Variants in MCC observed in about 807,000 individuals in gnomAD.
MCC encodes the protein colorectal mutant cancer protein.
In MCC, 90 loss-of-function variants were observed where a neutral mutation model predicts 116.2. The observed-to-expected ratio is 0.77, with a 90% CI of 0.65 to 0.92. The LOEUF is 0.92. Ranked by LOEUF, MCC falls within the 40% of genes least tolerant of loss-of-function variation. The probability of loss-of-function intolerance (pLI) is 0.00; values close to 1 mark genes in which losing one functional copy is unlikely to be tolerated. For missense variants in MCC, 1,516 were observed against 1,312.2 expected, an observed-to-expected ratio of 1.16 and a Z score of -2.40; for synonymous variants, 578 against 510.5, an observed-to-expected ratio of 1.13 and a Z score of -1.78.
At chr5:113,206,469 C>T (rs1762914006) in intron 3 of MCC, among the ~76,000 whole-genome samples, 1 of 152,212 alleles carries the variant, frequency 6.6e-6, no homozygotes, top group Non-Finnish European at 1.5e-5. Context: ...AATCCCAGCA[C>T]TTTGGGAGGC....
At chr5:113,139,353 G>C (rs976352990) in intron 5 of MCC, among the ~76,000 whole-genome samples, 4 of 152,256 alleles carry the variant, frequency 2.6e-5, no homozygotes, top group African/African-American at 9.6e-5. Flanking sequence ...AGTTTGATTA[G>C]TATAACATAG....
intron 1 of MCC, among the ~76,000 whole-genome samples, chr5:113,468,816 C>CT (rs1174930547): frequency 6.6e-6 from 1 of 152,092 alleles, no homozygotes; most frequent in African/African-American, 2.4e-5. Flanking sequence ...TGGTCCTGGA[C>CT]TTTTTTTGGT....
chr5:113,213,250 G>A (rs1763195441), intron 3 of MCC, among the ~76,000 whole-genome samples: 1 of 152,184 alleles, frequency 6.6e-6, no homozygotes, highest in Non-Finnish European at 1.5e-5. Context: ...AAACATTAAA[G>A]CAATCAGAGG....
At chr5:113,183,933 T>C (rs565467456) in intron 3 of MCC, among the ~76,000 whole-genome samples, 2 of 141,420 alleles carry the variant, frequency 1.4e-5, no homozygotes, top group East Asian at 2.4e-4. Context: ...CAATTCCCCA[T>C]GCAATTTTTC....
intron 3 of MCC, among the ~76,000 whole-genome samples, chr5:113,177,413 G>A (rs1761393916): frequency 6.6e-6 from 1 of 152,192 alleles, no homozygotes; most frequent in Non-Finnish European, 1.5e-5. Context: ...TGTGTGCCTT[G>A]TGCAATGACA....
At chr5:113,165,103 A>T (rs188545037) in intron 3 of MCC, among the ~76,000 whole-genome samples, 26 of 152,362 alleles carry the variant, frequency 1.7e-4, no homozygotes, top group African/African-American at 6.3e-4. Flanking sequence ...AGTGTTTTGC[A>T]ATCCCTTTGC....
chr5:113,368,708 C>G (rs114639126), intron 2 of MCC, among the ~76,000 whole-genome samples: 4,601 of 151,984 alleles, frequency 0.03, 177 homozygotes, highest in African/African-American at 0.088. Flanking sequence ...TCCCCACCAA[C>G]AAGCAAGGAA....
At position 113,229,041 on chromosome 5, in the gene MCC, T is replaced by C. The variant is rs75624514; in HGVS notation, c.628-77619A>G. On this transcript the variant is annotated intron_variant, in intron 3 of 18. Transcript: ENST00000408903. Reference sequence around the variant, plus strand: ...GAAAAGATGAAGAGGCAGCTGAATATGAGTCTGGAATTATGGCCTGGGCTG... The same window carrying C: ...GAAAAGATGAAGAGGCAGCTGAATACGAGTCTGGAATTATGGCCTGGGCTG... Among the ~76,000 whole-genome samples the C allele has an allele frequency of 3.7e-4, 57 of 152,298 alleles. 1 individual carries two copies. The East Asian group carries it at 0.01, about 28-fold the overall frequency.
rs575240468 is a variant in MCC at position 113,310,905 on chromosome 5, A to C, written c.627+29614T>G. On this transcript the variant is annotated intron_variant, in intron 3 of 18. Coordinates refer to ENST00000408903, the MANE Select transcript of MCC (RefSeq NM_001085377.2). ...ATATTCCATCCTTCCTTCATTAAAA[A>C]AATATTTATCACCCACTATGTGCCA... is the stretch of plus-strand genomic sequence containing the variant. Among the ~76,000 whole-genome samples, 7 of 152,352 alleles carry C rather than the reference A, an allele frequency of 4.6e-5. No individual in the cohort carries two copies. In the South Asian group the frequency reaches 1.2e-3, roughly 27 times the overall value.
In MCC at chr5:113,333,867, A is replaced by ATGTACATATATGTATATG. The variant is rs1561527959; in HGVS notation, c.627+6651_627+6652insCATATACATATATGTACA. Among the ~76,000 whole-genome samples the ATGTACATATATGTATATG allele has an allele frequency of 8.7e-4, 113 of 129,630 alleles. 9 individuals carry two copies. Among genetic ancestry groups the ATGTACATATATGTATATG allele is most frequent in the East Asian group, 1.3e-3 (6 of 4,502 alleles). The allele number at this position is 129,630 out of a possible 152,430, so 85.0% of individuals were successfully genotyped here. On this transcript the variant is annotated intron_variant, in intron 3 of 18. Coordinates refer to ENST00000408903, the MANE Select transcript of MCC (RefSeq NM_001085377.2). The stretch of plus-strand genomic sequence containing the variant: ...TGTATATATGTACATATATGTATAT[A>ATGTACATATATGTATATG]TGTATTCACATATACATGTATTTAT...
Position 113,085,273 on chromosome 5 carries a change from G to T in MCC, c.1436C>A (p.Ala479Asp). The T allele has an allele frequency of 6.2e-7, 1 of 1,614,094 alleles. No homozygotes were observed. The highest frequency in any genetic ancestry group is 2.2e-5 in the East Asian group (1 of 44,864). Residue 479 changes from alanine to aspartate, a missense_variant, in exon 9 of 19, where the codon GCC becomes GAC. Ala to Asp is a moderately radical substitution (Grantham distance 126). Transcript: ENST00000408903. ...GCGGCCAGGGCTGGAGGGACCTGTGGCCTGCACGCTCTGTAGTCGAGTTTG... is the reference window on the plus strand; with the variant it reads ...GCGGCCAGGGCTGGAGGGACCTGTGTCCTGCACGCTCTGTAGTCGAGTTTG... ...ELQTRLQSVQ[A>D]TGPSSPGRLT...
chr5:113,252,011 C>A (rs967714269), intron 3 of MCC, among the ~76,000 whole-genome samples: 5 of 152,130 alleles, frequency 3.3e-5, no homozygotes, highest in Non-Finnish European at 7.4e-5. Flanking sequence ...CAGATTAAAT[C>A]AAATAAAACC....
intron 8 of MCC, among the ~76,000 whole-genome samples, chr5:113,092,924 G>T (rs1253556097): frequency 1.3e-5 from 2 of 152,156 alleles, no homozygotes; most frequent in Non-Finnish European, 2.9e-5. Context: ...AGCATTGTTT[G>T]TGGTCATGGG....
intron 3 of MCC, among the ~76,000 whole-genome samples, chr5:113,261,021 G>A (rs1040925841): frequency 1.7e-4 from 26 of 152,080 alleles, no homozygotes; most frequent in Non-Finnish European, 2.9e-5. Flanking sequence ...GAATTATGTG[G>A]CCAATATACC....
At chr5:113,317,543 G>C (rs1381484660) in intron 3 of MCC, among the ~76,000 whole-genome samples, 1 of 152,194 alleles carries the variant, frequency 6.6e-6, no homozygotes. Flanking sequence ...GGATGTTTAT[G>C]GCCAGGTGCT....
chr5:113,306,646 A>T (rs1223196799), intron 3 of MCC, among the ~76,000 whole-genome samples: 1 of 152,016 alleles, frequency 6.6e-6, no homozygotes, highest in Non-Finnish European at 1.5e-5. Context: ...AAATTTGCAA[A>T]TATTCTCTCC....
chr5:113,266,797 AAAAAC>A (rs914516903), intron 3 of MCC, among the ~76,000 whole-genome samples: 6 of 149,790 alleles, frequency 4.0e-5, no homozygotes, highest in African/African-American at 7.3e-5. Context: ...ATATGGACAA[AAAAAC>A]AAAACAAAAC....
intron 2 of MCC, among the ~76,000 whole-genome samples, chr5:113,368,916 G>C (rs894704037): frequency 6.6e-6 from 1 of 152,144 alleles, no homozygotes; most frequent in African/African-American, 2.4e-5. Flanking sequence ...TATAAAAGTG[G>C]GTTCCCACAA....
chr5:113,245,899 G>A (rs1232507904), intron 3 of MCC, among the ~76,000 whole-genome samples: 1 of 152,136 alleles, frequency 6.6e-6, no homozygotes, highest in Non-Finnish European at 1.5e-5. Flanking sequence ...ACATCTAATG[G>A]GATCAGAAAG....
Sources: allele counts gnomAD v4.1 joint callset (sites outside exome capture counted in the v4.1 genomes callset), GRCh38; gene constraint gnomAD v4.1.1; transcripts MANE v1.5; gene names NCBI Gene and HGNC (gene_info 2026-07-23, HGNC 2026-07-21).